PCDHA2: variants seen among roughly 807,000 people sequenced by gnomAD.
PCDHA2 encodes the protein protocadherin alpha-2.
PCDHA2 carries 58 observed loss-of-function variants against 66.0 expected under a neutral mutation model. The ratio of observed to expected loss-of-function variants is 0.88; its 90% CI spans 0.71 to 1.09. PCDHA2 has a LOEUF of 1.09. Ranked by LOEUF, PCDHA2 falls within the 50% of genes least tolerant of loss-of-function variation. The pLI is 0.00. For synonymous variants in PCDHA2, 634 were observed against 554.0 expected (o/e 1.14, Z -2.03); for missense variants, 1,267 against 1,242.3 (o/e 1.02, Z -0.30).
chr5:140,943,742 T>C (rs1326111617), intron 1 of PCDHA2, among the ~76,000 whole-genome samples: 2 of 152,200 alleles, frequency 1.3e-5, no homozygotes, highest in Non-Finnish European at 2.9e-5. Context: ...GTCCACAGTC[T>C]AAAAGCAGTA....
intron 1 of PCDHA2, chr5:140,802,686 C>G: frequency 1.2e-6 from 2 of 1,613,064 alleles, no homozygotes; most frequent in Non-Finnish European, 1.7e-6. Context: ...GCTGGTGGAA[C>G]GGCGGGTGGG....
chr5:140,853,994 C>T (rs1157670229), intron 1 of PCDHA2: 36 of 477,606 alleles, frequency 7.5e-5, no homozygotes, highest in Non-Finnish European at 9.6e-5. Flanking sequence ...TGAGACTCAT[C>T]TCTGCCAAAA....
chr5:140,954,537 T>C (rs2095052425), intron 1 of PCDHA2, among the ~76,000 whole-genome samples: 1 of 152,268 alleles, frequency 6.6e-6, no homozygotes, highest in Non-Finnish European at 1.5e-5. Flanking sequence ...TTGAGGTTTT[T>C]TTCATATGTT....
At chr5:140,875,254 T>A in intron 1 of PCDHA2, 1 of 1,054,680 alleles carries the variant, frequency 9.5e-7, no homozygotes, top group Non-Finnish European at 1.3e-6. Context: ...ATCAGTCACA[T>A]GATGTCGCTC....
In PCDHA2 at chr5:140,876,678, G is replaced by C. The variant is rs782561315; in HGVS notation, c.2388+79326G>C. ...CCTTCAAGCTGGTGTCCACCTACAA[G>C]AATTACTACTCGTTGGTGCTGGACA... On this transcript the variant is annotated intron_variant, in intron 1 of 3. Coordinates refer to ENST00000526136, the MANE Select transcript of PCDHA2 (RefSeq NM_018905.3). The C allele has an allele frequency of 1.9e-6, 3 of 1,614,100 alleles. No individual in the cohort carries two copies. In the East Asian group the frequency reaches 6.7e-5, roughly 36 times the overall value.
chr5:140,833,965 G>GA (rs2150212449), intron 1 of PCDHA2, among the ~76,000 whole-genome samples: 3 of 152,008 alleles, frequency 2.0e-5, no homozygotes, highest in Admixed American at 6.6e-5. Context: ...AAAACTGTGT[G>GA]AAAAAAAAGT....
chr5:140,929,080 A>G, intron 1 of PCDHA2: 1 of 1,614,180 alleles, frequency 6.2e-7, no homozygotes, highest in Non-Finnish European at 8.5e-7. Context: ...GTATGGAAGT[A>G]AGATGGTTTC....
At chr5:140,889,176 A>T (rs2062131208) in intron 1 of PCDHA2, among the ~76,000 whole-genome samples, 1 of 151,738 alleles carries the variant, frequency 6.6e-6, no homozygotes, top group South Asian at 2.1e-4. Context: ...CAAGTTATAA[A>T]TAAGAATCTA....
intron 1 of PCDHA2, among the ~76,000 whole-genome samples, chr5:140,958,419 A>G (rs1275772647): frequency 6.6e-6 from 1 of 152,196 alleles, no homozygotes; most frequent in Non-Finnish European, 1.5e-5. Flanking sequence ...GCTTGGAAAG[A>G]AGCACTTTTT....
intron 1 of PCDHA2, among the ~76,000 whole-genome samples, chr5:140,948,380 C>T (rs1554218531): frequency 2.6e-5 from 4 of 151,612 alleles, no homozygotes; most frequent in African/African-American, 4.8e-5. Flanking sequence ...GTTCCTTCCT[C>T]TATTTTCTGA....
chr5:140,821,716 A>G, intron 1 of PCDHA2: 1 of 1,489,172 alleles, frequency 6.7e-7, no homozygotes, highest in South Asian at 1.3e-5. Flanking sequence ...TGGGAATTGA[A>G]TTTACAAAAT....
At chr5:140,897,367 T>G (rs1554187348) in intron 1 of PCDHA2, among the ~76,000 whole-genome samples, 1 of 125,642 alleles carries the variant, frequency 8.0e-6, no homozygotes, top group South Asian at 2.5e-4. Flanking sequence ...CAGAGTGTGA[T>G]GTTCCCTTCC....
In PCDHA2 at chr5:140,884,535, C is replaced by A. The variant is rs142468733; in HGVS notation, c.2388+87183C>A. 15 of 1,614,034 alleles carry A rather than the reference C, an allele frequency of 9.3e-6. No individual in the cohort carries two copies. The South Asian group carries it at 1.5e-4, about 17-fold the overall frequency. ...TGGTCGTACTCGCAGCAGAGGCGGCCGAGGGTGTGCTCTGGGGAGGGCCCG... is the reference window on the plus strand; with the variant it reads ...TGGTCGTACTCGCAGCAGAGGCGGCAGAGGGTGTGCTCTGGGGAGGGCCCG... On this transcript the variant is annotated intron_variant, in intron 1 of 3. Transcript: ENST00000526136.
chr5:140,974,751 G>A (rs530548991), intron 1 of PCDHA2, among the ~76,000 whole-genome samples: 11 of 152,284 alleles, frequency 7.2e-5, no homozygotes, highest in African/African-American at 2.4e-4. Flanking sequence ...GCCTCCCAAA[G>A]TGCTGGGATT....
chr5:140,934,569 A>AT (rs1286294364), intron 1 of PCDHA2, among the ~76,000 whole-genome samples: 1 of 152,044 alleles, frequency 6.6e-6, no homozygotes, highest in Admixed American at 6.6e-5. Context: ...TTTTTAATTA[A>AT]TTGTAACATT....
intron 1 of PCDHA2, among the ~76,000 whole-genome samples, chr5:140,873,367 A>G (rs782242904): frequency 2.0e-5 from 3 of 152,174 alleles, no homozygotes; most frequent in Non-Finnish European, 2.9e-5. Context: ...GAATAACTGA[A>G]GATCTTTTAA....
chr5:140,842,833 G>C (rs2150345811), intron 1 of PCDHA2: 1 of 1,593,874 alleles, frequency 6.3e-7, no homozygotes, highest in Non-Finnish European at 8.6e-7. Context: ...AGCGCTCGCT[G>C]TCGAGCTACA....
chr5:140,917,039 A>G (rs1279228933), intron 1 of PCDHA2, among the ~76,000 whole-genome samples: 1 of 152,132 alleles, frequency 6.6e-6, no homozygotes, highest in African/African-American at 2.4e-5. Flanking sequence ...TGAGTCCAGC[A>G]CAGTGTTGTT....
intron 1 of PCDHA2, chr5:140,807,238 A>G (rs1562206835): frequency 2.5e-6 from 4 of 1,614,010 alleles, no homozygotes; most frequent in Non-Finnish European, 3.4e-6. Context: ...TGCTGCTCTT[A>G]CTTCTTCTCC....
Sources: allele counts gnomAD v4.1 joint callset (sites outside exome capture counted in the v4.1 genomes callset), GRCh38; gene constraint gnomAD v4.1.1; transcripts MANE v1.5; gene names NCBI Gene and HGNC (gene_info 2026-07-23, HGNC 2026-07-21).